Variants in CNTN6 observed in about 807,000 individuals in gnomAD.
The protein encoded by CNTN6 is contactin 6.
A neutral mutation model predicts 122.8 loss-of-function variants in CNTN6; 137 were observed. The observed-to-expected ratio is 1.12, with a 90% CI of 0.97 to 1.29. The LOEUF is 1.29. CNTN6 is among the 50% of genes most tolerant of loss of function. The pLI is 0.00. For missense variants in CNTN6, 1,634 were observed against 1,223.4 expected (o/e 1.34, Z -5.01); for synonymous variants, 570 against 426.0 (o/e 1.34, Z -4.16).
At chr3:1,203,309 C>T (rs912153263) in intron 2 of CNTN6, among the ~76,000 whole-genome samples, 1 of 152,154 alleles carries the variant, frequency 6.6e-6, no homozygotes, top group Non-Finnish European at 1.5e-5. Context: ...AGCAGATTTG[C>T]CCTTGGCTGT....
At chr3:1,397,966 A>G (rs1457575397) in intron 20 of CNTN6, among the ~76,000 whole-genome samples, 1 of 152,138 alleles carries the variant, frequency 6.6e-6, no homozygotes, top group Non-Finnish European at 1.5e-5. Flanking sequence ...AAAATTGATT[A>G]CAGGGAAACC....
At chr3:1,204,133 T>A (rs1416652601) in intron 2 of CNTN6, among the ~76,000 whole-genome samples, 3 of 152,208 alleles carry the variant, frequency 2.0e-5, no homozygotes. Flanking sequence ...GTATTTACTT[T>A]TTCCAAATGT....
Position 1,352,321 on chromosome 3 carries a change from T to C in CNTN6, c.1365-3T>C, listed in dbSNP as rs1407210648. On this transcript the variant is annotated splice_polypyrimidine_tract_variant and splice_region_variant and intron_variant, in intron 11 of 22. Coordinates refer to ENST00000446702, the MANE Select transcript of CNTN6 (RefSeq NM_001289080.2). The stretch of plus-strand genomic sequence containing the variant: ...TTCTATTAATGATGTATTTTCTTTT[T>C]AGAATATTTCTCTTGGAGGATGGCA... The C allele has an allele frequency of 2.6e-6, 4 of 1,509,862 alleles. No individual in the cohort carries two copies. Among genetic ancestry groups the C allele is most frequent in the Non-Finnish European group, 3.6e-6 (4 of 1,121,874 alleles). 93.5% of individuals were successfully genotyped at this position (1,509,862 alleles called of 1,614,324 possible). A position where few individuals can be genotyped will look rare whatever the true frequency, so the allele number is the denominator to read the frequency against.
At chr3:1,270,610 T>C (rs1032758805) in intron 4 of CNTN6, among the ~76,000 whole-genome samples, 1 of 152,338 alleles carries the variant, frequency 6.6e-6, no homozygotes, top group East Asian at 1.9e-4. Flanking sequence ...TCCAACATCT[T>C]GTTTACTCCA....
intron 7 of CNTN6, among the ~76,000 whole-genome samples, chr3:1,311,583 G>A (rs986890346): frequency 1.4e-5 from 2 of 147,920 alleles, no homozygotes; most frequent in African/African-American, 4.9e-5. Context: ...ACACATATAT[G>A]TATATATAAA....
chr3:1,225,377 C>T (rs1029945156), intron 3 of CNTN6, among the ~76,000 whole-genome samples: 6 of 152,164 alleles, frequency 3.9e-5, no homozygotes, highest in Admixed American at 6.5e-5. Flanking sequence ...ATCATTGTAC[C>T]GTAGTGATCA....
intron 4 of CNTN6, among the ~76,000 whole-genome samples, chr3:1,229,022 A>G (rs1387134428): frequency 6.6e-6 from 1 of 152,158 alleles, no homozygotes; most frequent in East Asian, 1.9e-4. Flanking sequence ...CATACACCAC[A>G]TACACATACA....
intron 1 of CNTN6, among the ~76,000 whole-genome samples, chr3:1,123,296 A>G (rs770941773): frequency 1.3e-5 from 2 of 151,838 alleles, no homozygotes; most frequent in Non-Finnish European, 2.9e-5. Flanking sequence ...ATATCTTTCT[A>G]TTTATTAGAT....
chr3:1,098,817 T>A (rs59252308), intron 1 of CNTN6, among the ~76,000 whole-genome samples: 30,562 of 141,790 alleles, frequency 0.22, 7,500 homozygotes, highest in African/African-American at 0.59. Flanking sequence ...TATATATATA[T>A]AGTGGGAAAT....
rs2094548235 is a variant in CNTN6, at chr3:1,245,222, ATATATATATATATACACAC to A, written c.358+17230_358+17248del. Among the ~76,000 whole-genome samples the A allele has an allele frequency of 2.0e-4, 4 of 19,860 alleles. 1 individual carries two copies. Among genetic ancestry groups the A allele is most frequent in the African/African-American group, 1.3e-3 (4 of 3,172 alleles). The allele number at this position is 19,860 out of a possible 152,430, so 13.0% of individuals were successfully genotyped here. The stretch of plus-strand genomic sequence containing the variant: ...GATATATATATATATATATATATAT[ATATATATATATATACACAC>A]ACACATATATATATAACATATATAT... On this transcript the variant is annotated intron_variant, in intron 4 of 22. Coordinates refer to ENST00000446702, the MANE Select transcript of CNTN6 (RefSeq NM_001289080.2).
At chr3:1,387,866 C>G (rs544271729) in intron 20 of CNTN6, among the ~76,000 whole-genome samples, 1 of 152,188 alleles carries the variant, frequency 6.6e-6, no homozygotes, top group African/African-American at 2.4e-5. Flanking sequence ...GCTTAAAAAA[C>G]GGCGCACCAC....
At chr3:1,108,597 G>A (rs2091337699) in intron 1 of CNTN6, among the ~76,000 whole-genome samples, 1 of 151,982 alleles carries the variant, frequency 6.6e-6, no homozygotes, top group Admixed American at 6.6e-5. Flanking sequence ...TTAGAATTAA[G>A]TTTGTATTAA....
In CNTN6 at chr3:1,345,050, T is replaced by G. The variant is rs568111810; in HGVS notation, c.1365-7274T>G. On this transcript the variant is annotated intron_variant, in intron 11 of 22. Coordinates refer to ENST00000446702, the MANE Select transcript of CNTN6 (RefSeq NM_001289080.2). ...ATTAGGTTTTCATCAATCCACTGATTAAATCTTTGAATTTTGCCTGGACAG... is the reference window on the plus strand; with the variant it reads ...ATTAGGTTTTCATCAATCCACTGATGAAATCTTTGAATTTTGCCTGGACAG... 2.6e-5 allele frequency among the ~76,000 whole-genome samples: 4 copies of G among 152,282 alleles called. No homozygotes were observed. The South Asian group carries it at 8.3e-4, about 32-fold the overall frequency.
intron 7 of CNTN6, among the ~76,000 whole-genome samples, chr3:1,315,256 A>G (rs1184930365): frequency 6.6e-6 from 1 of 151,906 alleles, no homozygotes; most frequent in African/African-American, 2.4e-5. Context: ...AGCAAAACGA[A>G]CTCCTAGTAA....
At chr3:1,290,521 G>A (rs1311755071) in intron 5 of CNTN6, among the ~76,000 whole-genome samples, 1 of 152,152 alleles carries the variant, frequency 6.6e-6, no homozygotes, top group Non-Finnish European at 1.5e-5. Flanking sequence ...CTATTGTTAT[G>A]GGAAAGGGGT....
intron 11 of CNTN6, among the ~76,000 whole-genome samples, chr3:1,335,989 G>A (rs1673828955): frequency 2.0e-5 from 3 of 152,000 alleles, no homozygotes; most frequent in African/African-American, 7.2e-5. Flanking sequence ...TGTTGAGGCT[G>A]CAGTGAGCCA....
chr3:1,351,479 A>G (rs2036686), intron 11 of CNTN6, among the ~76,000 whole-genome samples: 68,031 of 150,842 alleles, frequency 0.45, 17,325 homozygotes, highest in African/African-American at 0.68. Context: ...TTGGACGAAT[A>G]TTTTTGTTTT....
At chr3:1,243,794 G>A (rs906463428) in intron 4 of CNTN6, among the ~76,000 whole-genome samples, 2 of 152,042 alleles carry the variant, frequency 1.3e-5, no homozygotes, top group Non-Finnish European at 2.9e-5. Context: ...GGGAGGCTGA[G>A]GAAGTATTGG....
intron 1 of CNTN6, among the ~76,000 whole-genome samples, chr3:1,125,136 A>G (rs1350866125): frequency 6.6e-6 from 1 of 151,984 alleles, no homozygotes; most frequent in Non-Finnish European, 1.5e-5. Context: ...TACACCTCAG[A>G]TATGCCTGAG....
Sources: allele counts gnomAD v4.1 joint callset (sites outside exome capture counted in the v4.1 genomes callset), GRCh38; gene constraint gnomAD v4.1.1; transcripts MANE v1.5; gene names NCBI Gene and HGNC (gene_info 2026-07-23, HGNC 2026-07-21).